The following ATP6V1C2 variants were observed in gnomAD, a reference collection of about 807,000 sequenced individuals.
The protein encoded by ATP6V1C2 is V-type proton ATPase subunit C 2.
ATP6V1C2 carries 45 observed loss-of-function variants against 56.8 expected under a neutral mutation model. That is an observed-to-expected ratio of 0.79 (90% confidence interval 0.62 to 1.02). The LOEUF (loss-of-function observed/expected upper bound fraction) is 1.02. Ranked by LOEUF, ATP6V1C2 falls within the 50% of genes least tolerant of loss-of-function variation. The probability of loss-of-function intolerance (pLI) is 0.00; values close to 1 mark genes in which losing one functional copy is unlikely to be tolerated. For synonymous variants in ATP6V1C2, 220 were observed against 201.3 expected (o/e 1.09, Z -0.79); for missense variants, 463 against 519.7 (o/e 0.89, Z 1.06).
In ATP6V1C2 at chr2:10,768,730, G is replaced by C; in HGVS notation, c.390G>C (p.Gln130His). ...CTTTCCCAAAACAGCAACTGGCGCAGATCGAGATGGACCTGAAGTCCCGAA... is the reference window on the plus strand; with the variant it reads ...CTTTCCCAAAACAGCAACTGGCGCACATCGAGATGGACCTGAAGTCCCGAA... ...VVDTIAKQLAQIEMDLKSRTA... is the reference protein window; with the variant it reads ...VVDTIAKQLAHIEMDLKSRTA... The change falls in exon 6 of 14, where the codon CAG (glutamine) becomes CAC (histidine). Residue 130 changes from glutamine to histidine, a missense_variant. Coordinates refer to ENST00000272238, the MANE Select transcript of ATP6V1C2 (RefSeq NM_001039362.2). 6.2e-7 allele frequency: 1 copy of C among 1,614,038 alleles called. No individual in the cohort carries two copies. Among genetic ancestry groups the C allele is most frequent in the East Asian group, 2.2e-5 (1 of 44,880 alleles).
chr2:10,721,131 A>G (rs1661335352), upstream of ATP6V1C2, among the ~76,000 whole-genome samples: 1 of 152,102 alleles, frequency 6.6e-6, no homozygotes, highest in Non-Finnish European at 1.5e-5. Context: ...CTGTCTACGC[A>G]GGTGCGTCCC....
Position 10,785,018 on chromosome 2 carries a change from AAAAG to A in ATP6V1C2, c.*1757_*1760del. ...CTACAGGTGCCGTGGAGCCACGCCC[AAAAG>A]AGAGCTCCCTTAGGGAAAAATGACC... On this transcript the variant is annotated 3_prime_UTR_variant, in exon 14 of 14. Transcript: ENST00000272238. 2 of 1,578,216 alleles carry A rather than the reference AAAAG, an allele frequency of 1.3e-6. No homozygotes were observed. Among genetic ancestry groups the A allele is most frequent in the Non-Finnish European group, 1.7e-6 (2 of 1,160,118 alleles).
intron 8 of ATP6V1C2, 92 bp downstream of exon 8, chr2:10,772,702 G>A: frequency 8.7e-7 from 1 of 1,151,634 alleles, no homozygotes; most frequent in South Asian, 1.2e-5. Flanking sequence ...CCGAGGGTGT[G>A]AGGCTCCCCA....
Position 10,774,838 on chromosome 2 carries a change from G to T in ATP6V1C2, c.689G>T (p.Arg230Leu). 6.2e-7 allele frequency: 1 copy of T among 1,614,196 alleles called. No homozygotes were observed. Residue 230 changes from arginine (R) to leucine (L), a missense_variant, in exon 9 of 14, where the codon CGA becomes CTA. By Grantham distance (102) the Arg-to-Leu change is moderately radical. Coordinates refer to ENST00000272238, the MANE Select transcript of ATP6V1C2 (RefSeq NM_001039362.2). The part of the protein sequence containing the change: ...EGGLFTVTLF[R>L]KVIEDFKTKA... ...GGCCTTTTCACTGTGACTCTGTTTC[G>T]AAAAGTGATTGAAGATTTCAAAACC...
intron 12 of ATP6V1C2, among the ~76,000 whole-genome samples, chr2:10,779,418 T>TAA (rs757677176): frequency 1.0e-4 from 12 of 116,320 alleles, no homozygotes; most frequent in Admixed American, 2.9e-4. Flanking sequence ...CTTTGCCTAA[T>TAA]AAAAAAAAAA....
In ATP6V1C2 at chr2:10,733,636, TA is replaced by T. The variant is rs58039579; in HGVS notation, c.197+7079del. On this transcript the variant is annotated intron_variant, in intron 3 of 13. Transcript: ENST00000272238. The stretch of plus-strand genomic sequence containing the variant: ...TTTGAAAAACCAAATGCTATTATCT[TA>T]AAAAAAAAAAACCTCTCTCCCTGTT... Among the ~76,000 whole-genome samples the T allele has an allele frequency of 2.0e-3, 287 of 145,126 alleles. 1 individual carries two copies. The highest frequency in any genetic ancestry group is 5.5e-3 in the African/African-American group (220 of 40,004).
At chr2:10,779,948 G>A (rs1396409687) in intron 12 of ATP6V1C2, among the ~76,000 whole-genome samples, 1 of 152,112 alleles carries the variant, frequency 6.6e-6, no homozygotes, top group Non-Finnish European at 1.5e-5. Context: ...CCCGCGTCAC[G>A]GAGCACTGCG....
intron 3 of ATP6V1C2, among the ~76,000 whole-genome samples, chr2:10,746,312 A>G (rs1044447255): frequency 1.3e-5 from 2 of 152,160 alleles, no homozygotes; most frequent in Admixed American, 1.3e-4. Context: ...GGCTATTGTT[A>G]ATAATGCCGC....
chr2:10,777,138 C>T (rs1232467913), intron 10 of ATP6V1C2, among the ~76,000 whole-genome samples: 1 of 152,216 alleles, frequency 6.6e-6, no homozygotes, highest in South Asian at 2.1e-4. Context: ...AACTGCATGC[C>T]CAACTCATCT....
In ATP6V1C2 at chr2:10,780,711, AAG is replaced by A. The variant is rs1443867719; in HGVS notation, c.1062-1529_1062-1528del. 6.6e-6 allele frequency among the ~76,000 whole-genome samples: 1 copy of A among 151,542 alleles called. No individual in the cohort carries two copies. The highest frequency in any genetic ancestry group is 1.5e-5 in the Non-Finnish European group (1 of 67,964). ...TTCCAGGATGCGCATCTGCCCAAGA[AAG>A]AGGTTGAGACCGATGGGCCAGCCGC... is the stretch of plus-strand genomic sequence containing the variant. On this transcript the variant is annotated intron_variant, in intron 12 of 13. Transcript: ENST00000272238. The surrounding 1 kb of genome is among the most constrained non-coding windows in gnomAD (Gnocchi z 4.1).
chr2:10,741,472 T>G (rs1662545804), intron 3 of ATP6V1C2, among the ~76,000 whole-genome samples: 1 of 152,146 alleles, frequency 6.6e-6, no homozygotes, highest in African/African-American at 2.4e-5. Flanking sequence ...GCCTCCCCTC[T>G]CAGGTGTGGG....
intron 3 of ATP6V1C2, among the ~76,000 whole-genome samples, chr2:10,752,509 T>G (rs1483406847): frequency 1.3e-5 from 2 of 152,212 alleles, no homozygotes; most frequent in Non-Finnish European, 2.9e-5. Flanking sequence ...ATGATTTGGA[T>G]CATCATAACT....
chr2:10,730,614 T>G (rs1008261824), intron 3 of ATP6V1C2, among the ~76,000 whole-genome samples: 3 of 151,096 alleles, frequency 2.0e-5, no homozygotes, highest in Non-Finnish European at 4.4e-5. Context: ...TGGGTTTTTT[T>G]TTTTTTTTTT....
At chr2:10,760,598 T>TC (rs1226856550) in intron 4 of ATP6V1C2, among the ~76,000 whole-genome samples, 2 of 152,146 alleles carry the variant, frequency 1.3e-5, no homozygotes, top group Non-Finnish European at 2.9e-5. Flanking sequence ...ATCTCAGACT[T>TC]CCCTGAGCAT....
Position 10,746,936 on chromosome 2 carries a change from G to T in ATP6V1C2, c.198-7045G>T, listed in dbSNP as rs1037604510. 1.7e-4 allele frequency among the ~76,000 whole-genome samples: 26 copies of T among 152,030 alleles called. 1 individual carries two copies. The highest frequency in any genetic ancestry group is 4.6e-4 in the Admixed American group (7 of 15,234). On this transcript the variant is annotated intron_variant, in intron 3 of 13. Transcript: ENST00000272238. ...TTTACATGCCTAAATGCTTTATTTT[G>T]AACCAATTTCAAGTTTCCAGAAAAT...
chr2:10,723,066 G>A, intron 2 of ATP6V1C2, 88 bp downstream of exon 2: 5 of 1,521,110 alleles, frequency 3.3e-6, no homozygotes, highest in Middle Eastern at 1.9e-4. Flanking sequence ...AGGAAGCCAA[G>A]GAGAAAGTAT....
At chr2:10,744,773 A>G (rs1260223080) in intron 3 of ATP6V1C2, among the ~76,000 whole-genome samples, 3 of 149,726 alleles carry the variant, frequency 2.0e-5, no homozygotes, top group African/African-American at 7.4e-5. Context: ...GGTTCAAGCA[A>G]TTCTCCTGCC....
At chr2:10,775,113 G>T in intron 10 of ATP6V1C2, 42 bp downstream of exon 10, 1 of 1,512,582 alleles carries the variant, frequency 6.6e-7, no homozygotes, top group Non-Finnish European at 9.2e-7. Flanking sequence ...CCTACCCGGA[G>T]GCCTGGGGAT....
chr2:10,742,939 C>T lies in ATP6V1C2; in HGVS notation c.198-11042C>T, dbSNP rs866545888. Among the ~76,000 whole-genome samples the T allele has an allele frequency of 2.0e-5, 3 of 152,274 alleles. No individual in the cohort carries two copies. The South Asian group carries it at 6.2e-4, about 32-fold the overall frequency. The stretch of plus-strand genomic sequence containing the variant: ...TGCCCAGCACCCAAAGGCCTCCAGT[C>T]CCTACCTGCCCTGCCTCACACCTGG... On this transcript the variant is annotated intron_variant, in intron 3 of 13. Coordinates refer to ENST00000272238, the MANE Select transcript of ATP6V1C2 (RefSeq NM_001039362.2).
Sources: gnomAD v4.1 joint callset for allele counts (sites outside exome capture counted in the v4.1 genomes callset) on GRCh38, gnomAD v4.1.1 for gene constraint, Gnocchi (gnomAD v3.1) non-coding constraint, MANE v1.5 for transcripts, NCBI Gene and HGNC (gene_info 2026-07-23, HGNC 2026-07-21) for gene names.